Variants in MYO15A observed in about 807,000 individuals in gnomAD.
MYO15A encodes unconventional myosin-XV.
In MYO15A, 308 loss-of-function variants were observed where a neutral mutation model predicts 394.6. That is an observed-to-expected ratio of 0.78 (90% CI 0.71 to 0.86). The LOEUF (loss-of-function observed/expected upper bound fraction) is 0.86, where lower values mean the gene tolerates loss of function less well. Among genes scored for constraint, MYO15A ranks in the 40% least tolerant of loss-of-function variants. MYO15A has a pLI of 0.00. For synonymous variants in MYO15A, 1,957 were observed against 2,003.8 expected (o/e 0.98, Z 0.62); for missense variants, 4,606 against 4,799.1 (o/e 0.96, Z 1.19).
chr17:18,133,982 T>C (rs904985658), intron 12 of MYO15A, among the ~76,000 whole-genome samples: 1 of 151,118 alleles, frequency 6.6e-6, no homozygotes, highest in Non-Finnish European at 1.5e-5. Context: ...TTATTTTATT[T>C]TATTTTTATT....
In MYO15A at chr17:18,150,906, C is replaced by T. The variant is rs1328838393; in HGVS notation, c.7466C>T (p.Pro2489Leu). 1 of 1,601,582 alleles carries T rather than the reference C, an allele frequency of 6.2e-7. No individual in the cohort carries two copies. The highest frequency in any genetic ancestry group is 8.5e-7 in the Non-Finnish European group (1 of 1,174,396). ...QPLSAALRSL[P>L]AEKPPAPEAQ... The stretch of plus-strand genomic sequence containing the variant: ...CTGAGTGCTGCCCTGAGATCCTTGC[C>T]CGCAGAGGTGAGCCTGGCCTGCCCA... The change falls in exon 38 of 66, where the codon CCC (proline) becomes CTC (leucine). Residue 2489 changes from proline to leucine, a missense_variant. By Grantham distance (98) the Pro-to-Leu change is moderately conservative. Around this residue, in one of 2 missense-constraint regions of MYO15A, gnomAD observed 2,776 missense variants for 3,109.3 expected, o/e 0.89. Transcript: ENST00000647165. The surrounding 1 kb of genome is among the most constrained non-coding windows in gnomAD (Gnocchi z 4.4).
At chr17:18,128,887 T>C (rs2046101898) in intron 7 of MYO15A, among the ~76,000 whole-genome samples, 2 of 152,050 alleles carry the variant, frequency 1.3e-5, no homozygotes, top group Admixed American at 6.5e-5. Context: ...GGAGTTTGTG[T>C]GTGCCAGGCA....
chr17:18,160,067 C>A (rs756509690), intron 56 of MYO15A, 50 bp downstream of exon 56: 18 of 1,558,354 alleles, frequency 1.2e-5, no homozygotes, highest in Non-Finnish European at 1.5e-5. Flanking sequence ...GTCCATGCTC[C>A]AGGAGGGACC....
chr17:18,167,422 T>C (rs909104512), intron 61 of MYO15A, among the ~76,000 whole-genome samples, 168 bp from the exon 62 acceptor site: 8 of 152,358 alleles, frequency 5.3e-5, no homozygotes, highest in African/African-American at 1.9e-4. Context: ...CACGTCACCC[T>C]TATGTGCTTC....
At chr17:18,142,031 C>T in intron 23 of MYO15A, 48 bp from the exon 24 acceptor site, 1 of 1,604,870 alleles carries the variant, frequency 6.2e-7, no homozygotes, top group Non-Finnish European at 8.5e-7. Context: ...GGCCCTTAGT[C>T]CAGCCTCCTG....
chr17:18,139,752 G>T (rs545378974), intron 19 of MYO15A, 141 bp downstream of exon 19: 3 of 995,546 alleles, frequency 3.0e-6, no homozygotes, highest in Non-Finnish European at 4.6e-6. Flanking sequence ...GGGTGGCCTG[G>T]ACACCCTGTT....
Position 18,124,503 on chromosome 17 carries a change from G to A in MYO15A, c.3630G>A (p.Leu1210=). 1.2e-6 allele frequency: 2 copies of A among 1,612,634 alleles called. No individual in the cohort carries two copies. The highest frequency in any genetic ancestry group is 1.7e-6 in the Non-Finnish European group (2 of 1,179,980). The change falls in exon 3 of 66, where the codon CTG becomes CTA. Residue 1210 remains leucine, a synonymous_variant. Coordinates refer to ENST00000647165, the MANE Select transcript of MYO15A (RefSeq NM_016239.4). ...CACAGATGCACTCCATCCGCAACCTGCCATCCATGCGGTTCCGTGAGCAGC... is the reference window on the plus strand; with the variant it reads ...CACAGATGCACTCCATCCGCAACCTACCATCCATGCGGTTCCGTGAGCAGC... ...WRNKMHSIRN[L]PSMRFREQHG...
At chr17:18,171,609 G>A (rs1382378265) in intron 62 of MYO15A, 29 bp from the exon 63 acceptor site, 1 of 1,613,618 alleles carries the variant, frequency 6.2e-7, no homozygotes, top group Non-Finnish European at 8.5e-7. Flanking sequence ...AGCTCACTCA[G>A]GACCTTTTTC....
Position 18,120,192 on chromosome 17 carries a change from T to A in MYO15A, c.1392T>A (p.Asp464Glu). The A allele has an allele frequency of 6.2e-7, 1 of 1,612,874 alleles. No individual in the cohort carries two copies. The highest frequency in any genetic ancestry group is 8.5e-7 in the Non-Finnish European group (1 of 1,179,976). Residue 464 changes from aspartate (D) to glutamate (E), a missense_variant, in exon 2 of 66, where the codon GAT (aspartate) becomes GAA (glutamate). Physicochemically the swap from Asp to Glu is conservative, Grantham distance 45. Around this residue, in one of 2 missense-constraint regions of MYO15A, gnomAD observed 1,830 missense variants for 1,689.7 expected, o/e 1.08. Transcript: ENST00000647165. ...SAAFFEQQGMDKPARSKLSLI... is the reference protein window; with the variant it reads ...SAAFFEQQGMEKPARSKLSLI... Reference sequence around the variant, plus strand: ...CCTTCTTCGAGCAGCAAGGCATGGATAAGCCCGCCAGGTCCAAGCTGTCCC... The same window carrying A: ...CCTTCTTCGAGCAGCAAGGCATGGAAAAGCCCGCCAGGTCCAAGCTGTCCC...
chr17:18,163,172 A>G, intron 58 of MYO15A, 72 bp from the exon 59 acceptor site: 1 of 1,515,022 alleles, frequency 6.6e-7, no homozygotes, highest in South Asian at 1.1e-5. Flanking sequence ...GGGAACTCCC[A>G]GGGCAGGAGA....
rs867573130 is a variant in MYO15A at position 18,121,520 on chromosome 17, G to A, written c.2720G>A (p.Arg907Gln). ...GCCTGGCGGGCGCCCCTGGAACACC[G>A]GGAGAGCCCGCGAGAACCCGAGGAC... ...AGAWRAPLEH[R>Q]ESPREPEDSE... is the part of the protein sequence containing the mutation. The change falls in exon 2 of 66, where the codon CGG becomes CAG. Residue 907 changes from arginine to glutamine, a missense_variant. Physicochemically the swap from Arg to Gln is conservative, Grantham distance 43. Around this residue, in one of 2 missense-constraint regions of MYO15A, gnomAD observed 1,830 missense variants for 1,689.7 expected, o/e 1.08. Coordinates refer to ENST00000647165, the MANE Select transcript of MYO15A (RefSeq NM_016239.4). This position sits in a 1 kb window ranked among gnomAD's most constrained non-coding sequence, Gnocchi z 5.3. The A allele has an allele frequency of 1.9e-5, 30 of 1,560,060 alleles. No individual in the cohort carries two copies. Among genetic ancestry groups the A allele is most frequent in the Non-Finnish European group, 2.5e-5 (29 of 1,152,816 alleles).
chr17:18,114,058 AAG>A (rs1173892193), intron 1 of MYO15A, among the ~76,000 whole-genome samples: 2 of 152,130 alleles, frequency 1.3e-5, no homozygotes, highest in Non-Finnish European at 2.9e-5. Flanking sequence ...AAGGACGTGT[AAG>A]AGAGATCCCC....
intron 2 of MYO15A, chr17:18,124,256 G>T: frequency 1.6e-6 from 1 of 610,632 alleles, no homozygotes; most frequent in Non-Finnish European, 3.0e-6. Flanking sequence ...GGAGCTCATG[G>T]GAGGGCCTGC....
chr17:18,116,187 C>T (rs1328358775), intron 1 of MYO15A, among the ~76,000 whole-genome samples: 1 of 152,318 alleles, frequency 6.6e-6, no homozygotes, highest in South Asian at 2.1e-4. Flanking sequence ...TGGGCAAGCA[C>T]TGGAGAGGCC....
At chr17:18,173,944 C>T (rs2046979085) in intron 65 of MYO15A, 23 bp downstream of exon 65, 3 of 1,610,080 alleles carry the variant, frequency 1.9e-6, no homozygotes, top group Non-Finnish European at 2.5e-6. Flanking sequence ...CTAAGTCCAA[C>T]ATTCCACTCA....
intron 28 of MYO15A, among the ~76,000 whole-genome samples, 197 bp downstream of exon 28, chr17:18,144,197 A>G (rs1293772495): frequency 6.6e-6 from 1 of 152,218 alleles, no homozygotes; most frequent in East Asian, 1.9e-4. Context: ...GGGCTCGGGC[A>G]GGGCTGTTTA....
At position 18,138,115 on chromosome 17, in the gene MYO15A, G is replaced by A. The variant is rs2046312718; in HGVS notation, c.4876G>A (p.Glu1626Lys). ...FNKIVFQEEQ[E>K]EYIREQIDWQ... ...AGCTCCTGCTGCCCACTGCCTGCAG[G>A]AGGAGTACATCCGTGAGCAGATAGA... The change falls in exon 17 of 66, where the codon GAG becomes AAG. Residue 1626 changes from glutamate to lysine, a missense_variant and splice_region_variant. Physicochemically the swap from Glu to Lys is moderately conservative, Grantham distance 56. Around this residue, in one of 2 missense-constraint regions of MYO15A, gnomAD observed 2,776 missense variants for 3,109.3 expected, o/e 0.89. Transcript: ENST00000647165. 1 of 1,610,824 alleles carries A rather than the reference G, an allele frequency of 6.2e-7. No individual in the cohort carries two copies. The highest frequency in any genetic ancestry group is 1.7e-5 in the Admixed American group (1 of 60,028).
chr17:18,127,005 G>T (rs1038615011), intron 6 of MYO15A, 70 bp from the exon 7 acceptor site: 12 of 1,603,830 alleles, frequency 7.5e-6, no homozygotes, highest in Non-Finnish European at 1.0e-5. Flanking sequence ...CTTGCTTCAT[G>T]ATGGGAGTCA....
rs115669392 is a variant in MYO15A, at chr17:18,128,279, G to A, written c.4032+1114G>A. Among the ~76,000 whole-genome samples, 3 of 152,160 alleles carry A rather than the reference G, an allele frequency of 2.0e-5. No homozygotes were observed. The East Asian group carries it at 5.8e-4, about 29-fold the overall frequency. On this transcript the variant is annotated intron_variant, in intron 7 of 65. Transcript: ENST00000647165. ...GCATCTACACAGAGATGGCAGGGAG[G>A]TGATGGATGCACCACCAGCCTGGAG...
Sources: allele counts gnomAD v4.1 joint callset (sites outside exome capture counted in the v4.1 genomes callset), GRCh38; gene constraint gnomAD v4.1.1; regional missense constraint gnomAD v4.1.1; non-coding constraint Gnocchi (gnomAD v3.1); transcripts MANE v1.5; gene names NCBI Gene and HGNC (gene_info 2026-07-23, HGNC 2026-07-21).